Variants in BRF1 observed in about 807,000 individuals in gnomAD.
BRF1 encodes BRF1 general transcription factor IIIB subunit, also known as transcription factor IIIB 90 kDa subunit.
A neutral mutation model predicts 81.7 loss-of-function variants in BRF1; 59 were observed. The observed-to-expected ratio is 0.72, with a 90% CI of 0.59 to 0.90. The LOEUF (loss-of-function observed/expected upper bound fraction) is 0.90, where lower values mean the gene tolerates loss of function less well. BRF1 is among the 40% of genes least tolerant of loss of function. BRF1 has a pLI of 0.00. For missense variants in BRF1, 1,050 were observed against 936.3 expected, an observed-to-expected ratio of 1.12 and a Z score of -1.58; for synonymous variants, 491 against 395.6, an observed-to-expected ratio of 1.24 and a Z score of -2.86.
chr14:105,310,509 G>T (rs181991823), intron 1 of BRF1, among the ~76,000 whole-genome samples: 1 of 115,420 alleles, frequency 8.7e-6, no homozygotes, highest in African/African-American at 3.5e-5. Context: ...CAGCCTGGGC[G>T]ACAGACAGAG....
intron 1 of BRF1, among the ~76,000 whole-genome samples, chr14:105,298,833 C>A (rs1449321911): frequency 1.3e-5 from 2 of 150,208 alleles, no homozygotes; most frequent in African/African-American, 2.5e-5. Flanking sequence ...CCAGCCTGGG[C>A]CACAGAGCAA....
intron 7 of BRF1, chr14:105,226,965 T>A (rs912887845): frequency 9.0e-5 from 51 of 568,402 alleles, no homozygotes; most frequent in African/African-American, 2.4e-4. Context: ...AAAAAAAAAA[T>A]TAGCCACGCA....
intron 3 of BRF1, among the ~76,000 whole-genome samples, chr14:105,257,679 G>A (rs1435533404): frequency 2.0e-5 from 3 of 152,294 alleles, no homozygotes; most frequent in African/African-American, 4.8e-5. Flanking sequence ...TGAGAAGACC[G>A]GCGGCAGGGG....
chr14:105,241,466 C>G, intron 5 of BRF1, 52 bp from the exon 6 acceptor site: 3 of 1,601,508 alleles, frequency 1.9e-6, no homozygotes, highest in African/African-American at 2.7e-5. Context: ...ATGGCACGTG[C>G]ACAGGCGGCC....
intron 15 of BRF1, among the ~76,000 whole-genome samples, chr14:105,214,354 G>C (rs587644330): frequency 6.6e-6 from 1 of 152,048 alleles, no homozygotes; most frequent in Non-Finnish European, 1.5e-5. Flanking sequence ...AGCAGCCCGA[G>C]TGACCACAGA....
intron 1 of BRF1, among the ~76,000 whole-genome samples, chr14:105,287,454 G>GGCCA (rs889283728): frequency 6.6e-6 from 1 of 152,200 alleles, no homozygotes; most frequent in African/African-American, 2.4e-5. Flanking sequence ...TTGGCACAGG[G>GGCCA]GCCAGTGCAT....
At chr14:105,259,746 T>C (rs747816711) in intron 3 of BRF1, among the ~76,000 whole-genome samples, 22 of 152,114 alleles carry the variant, frequency 1.4e-4, no homozygotes, top group Admixed American at 4.6e-4. Context: ...CTGTCTCTAC[T>C]AAAAATACAA....
At position 105,281,882 on chromosome 14, in the gene BRF1, G is replaced by A. The variant is rs587621956; in HGVS notation, c.265+4414C>T. 2.0e-5 allele frequency among the ~76,000 whole-genome samples: 3 copies of A among 152,128 alleles called. No homozygotes were observed. In the East Asian group the frequency reaches 5.8e-4, roughly 29 times the overall value. ...TGGATTTGTCAGGTGGTTCATGGAA[G>A]GTCAGCACATTTCATGCACTTTACT... On this transcript the variant is annotated intron_variant, in intron 2 of 17. Coordinates refer to ENST00000547530, the MANE Select transcript of BRF1 (RefSeq NM_001519.4).
intron 5 of BRF1, among the ~76,000 whole-genome samples, chr14:105,251,794 C>T (rs369292555): frequency 2.0e-5 from 3 of 152,102 alleles, no homozygotes; most frequent in African/African-American, 7.2e-5. Context: ...AGGTCAGAAC[C>T]ATCGGGCAGT....
At chr14:105,242,800 T>C (rs924319098) in intron 5 of BRF1, among the ~76,000 whole-genome samples, 1 of 132,116 alleles carries the variant, frequency 7.6e-6, no homozygotes, top group African/African-American at 2.9e-5. Flanking sequence ...AGAGACGAAG[T>C]CTATACAAAA....
At chr14:105,260,204 T>C (rs2056084791) in intron 3 of BRF1, among the ~76,000 whole-genome samples, 1 of 152,068 alleles carries the variant, frequency 6.6e-6, no homozygotes, top group Non-Finnish European at 1.5e-5. Context: ...CTCACCCCCA[T>C]TGAGCTGATG....
chr14:105,249,667 G>A (rs2055465525), intron 5 of BRF1: 2 of 1,612,848 alleles, frequency 1.2e-6, no homozygotes, highest in East Asian at 2.2e-5. Context: ...AGATCGATCT[G>A]GAAGCCGACA....
intron 12 of BRF1, chr14:105,219,784 T>C: frequency 1.9e-6 from 1 of 530,956 alleles, no homozygotes; most frequent in Non-Finnish European, 3.4e-6. Context: ...CTGCCCCTGG[T>C]GCTATTTGTG....
chr14:105,247,372 C>A, intron 5 of BRF1: 1 of 985,472 alleles, frequency 1.0e-6, no homozygotes, highest in Non-Finnish European at 1.2e-6. Flanking sequence ...GGCTCGGGCA[C>A]CCCATTCCTG....
At chr14:105,225,918 T>A in intron 10 of BRF1, 151 bp downstream of exon 10, 1 of 756,210 alleles carries the variant, frequency 1.3e-6, no homozygotes, top group South Asian at 1.9e-5. Context: ...AGTGCTGGGA[T>A]TACAGGCGTG....
At chr14:105,220,664 A>G (rs776170145) in intron 11 of BRF1, among the ~76,000 whole-genome samples, 6 of 152,104 alleles carry the variant, frequency 3.9e-5, no homozygotes, top group Non-Finnish European at 8.8e-5. Context: ...AGCCCCACGC[A>G]GTCCAGGCAG....
intron 4 of BRF1, among the ~76,000 whole-genome samples, chr14:105,253,934 T>G (rs1364726920): frequency 6.6e-6 from 1 of 152,250 alleles, no homozygotes; most frequent in Non-Finnish European, 1.5e-5. Context: ...CAGACATGCA[T>G]GTGTGTACAC....
intron 5 of BRF1, among the ~76,000 whole-genome samples, chr14:105,243,359 A>C (rs1318709467): frequency 2.6e-5 from 4 of 151,400 alleles, no homozygotes; most frequent in South Asian, 4.2e-4. Flanking sequence ...CTGAGACTAC[A>C]GCATTGCTTG....
intron 5 of BRF1, chr14:105,247,938 G>C: frequency 1.0e-6 from 1 of 985,482 alleles, no homozygotes; most frequent in Non-Finnish European, 1.2e-6. Context: ...CACAAGGAGC[G>C]AGCCTGCGAC....
Sources: gnomAD v4.1 joint callset for allele counts (sites outside exome capture counted in the v4.1 genomes callset) on GRCh38, gnomAD v4.1.1 for gene constraint, MANE v1.5 for transcripts, NCBI Gene and HGNC (gene_info 2026-07-23, HGNC 2026-07-21) for gene names.